Variants in CIB3 observed in about 807,000 individuals in gnomAD.
The protein encoded by CIB3 is calcium and integrin-binding family member 3.
In CIB3, 22 loss-of-function variants were observed where a neutral mutation model predicts 23.4. The observed-to-expected ratio is 0.94, with a 90% CI of 0.67 to 1.34. The LOEUF is 1.34. Among genes scored for constraint, CIB3 ranks in the 40% most tolerant of loss-of-function variants. The pLI is 0.00. For missense variants in CIB3, 258 were observed against 247.3 expected, an observed-to-expected ratio of 1.04 and a Z score of -0.29; for synonymous variants, 93 against 95.8, an observed-to-expected ratio of 0.97 and a Z score of 0.17.
Position 16,164,886 on chromosome 19 carries a change from G to A in CIB3, c.374C>T (p.Ala125Val), listed in dbSNP as rs773279506. ...YDFNNDDYICAWDLEQTVTKL... is the reference protein window; with the variant it reads ...YDFNNDDYICVWDLEQTVTKL... ...GGTCACCGTCTGCTCCAGGTCCCAC[G>A]CACAAATGTAGTCGTCGTTGTTAAA... Residue 125 changes from alanine to valine, a missense_variant, in exon 5 of 6, where the codon GCG becomes GTG. Physicochemically the swap from Ala to Val is moderately conservative, Grantham distance 64. Coordinates refer to ENST00000269878, the MANE Select transcript of CIB3 (RefSeq NM_054113.4). 1.7e-5 allele frequency: 27 copies of A among 1,613,924 alleles called. No homozygotes were observed. The highest frequency in any genetic ancestry group is 6.6e-5 in the South Asian group (6 of 91,082).
intron 4 of CIB3, 54 bp from the exon 5 acceptor site, chr19:16,164,967 GCTGTGGGCACATA>G: frequency 2.0e-6 from 3 of 1,478,834 alleles, no homozygotes; most frequent in Non-Finnish European, 2.8e-6. Context: ...GGCTAGGCCG[GCTGTGGGCACATA>G]CTGTGCCCAT....
rs1386257720 is a variant in CIB3 at position 16,173,268 on chromosome 19, C to T, written c.52-72G>A. 4 of 1,607,604 alleles carry T rather than the reference C, an allele frequency of 2.5e-6. No homozygotes were observed. The African/African-American group carries it at 5.4e-5, about 22-fold the overall frequency. Reference sequence around the variant, plus strand: ...TCCTCCCACGGCCTCCTCCCTCCACCCCACACTCACACAGATGGCCTGATG... The same window carrying T: ...TCCTCCCACGGCCTCCTCCCTCCACTCCACACTCACACAGATGGCCTGATG... On this transcript the variant is annotated intron_variant, in intron 1 of 5. Coordinates refer to ENST00000269878, the MANE Select transcript of CIB3 (RefSeq NM_054113.4).
intron 4 of CIB3, 54 bp from the exon 5 acceptor site, chr19:16,164,967 G>T (rs1192152803): frequency 1.4e-6 from 2 of 1,478,700 alleles, no homozygotes; most frequent in Admixed American, 3.4e-5. Flanking sequence ...GGCTAGGCCG[G>T]CTGTGGGCAC....
chr19:16,166,230 G>C (rs966547414), intron 4 of CIB3, among the ~76,000 whole-genome samples: 1 of 152,174 alleles, frequency 6.6e-6, no homozygotes, highest in East Asian at 1.9e-4. Context: ...AGTGGAAGTT[G>C]CAGTGATCTG....
At chr19:16,172,357 G>A (rs964016225) in intron 2 of CIB3, among the ~76,000 whole-genome samples, 1 of 152,192 alleles carries the variant, frequency 6.6e-6, no homozygotes, top group East Asian at 1.9e-4. Context: ...GTTTCACCAT[G>A]TTGGCCAGGC....
rs760673592 is a variant in CIB3, at chr19:16,164,902, CGTT to C, written c.355_357del (p.Asn119del). On this transcript the variant is annotated inframe_deletion, in exon 5 of 6. Coordinates refer to ENST00000269878, the MANE Select transcript of CIB3 (RefSeq NM_054113.4). ...AGGTCCCACGCACAAATGTAGTCGT[CGTT>C]GTTAAAATCTGCAGAGCAGGATGGA... is the stretch of plus-strand genomic sequence containing the variant. 1.4e-5 allele frequency: 23 copies of C among 1,613,870 alleles called. No individual in the cohort carries two copies. The highest frequency in any genetic ancestry group is 6.6e-5 in the South Asian group (6 of 91,072).
Position 16,173,178 on chromosome 19 carries a change from T to C in CIB3, c.70A>G (p.Arg24Gly). 6.2e-7 allele frequency: 1 copy of C among 1,613,950 alleles called. No homozygotes were observed. Among genetic ancestry groups the C allele is most frequent in the South Asian group, 1.1e-5 (1 of 91,074 alleles). ...EAYQDCTFFT[R>G]KEIMRLFYRY... is the part of the protein sequence containing the mutation. Reference sequence around the variant, plus strand: ...TGGACTGACCTCATGATCTCCTTCCTTGTGAAAAATGTGCAGTCCTGTGGA... The same window carrying C: ...TGGACTGACCTCATGATCTCCTTCCCTGTGAAAAATGTGCAGTCCTGTGGA... Residue 24 changes from arginine to glycine, a missense_variant, in exon 2 of 6, where the codon AGG becomes GGG. Physicochemically the swap from Arg to Gly is moderately radical, Grantham distance 125 (BLOSUM62 -2). Transcript: ENST00000269878.
At chr19:16,170,113 T>C (rs1312139982) in intron 2 of CIB3, among the ~76,000 whole-genome samples, 8 of 152,156 alleles carry the variant, frequency 5.3e-5, no homozygotes, top group Non-Finnish European at 1.2e-4. Flanking sequence ...CCCTTCTCTT[T>C]CACATTCACA....
In CIB3 at chr19:16,169,627, T is replaced by C; in HGVS notation, c.198+3A>G. ...CCCTGTTTGTCCCATGGCCTGGGCATACCTTCAGCTCGGGCATGCTGCCAA... is the reference window on the plus strand; with the variant it reads ...CCCTGTTTGTCCCATGGCCTGGGCACACCTTCAGCTCGGGCATGCTGCCAA... On this transcript the variant is annotated splice_donor_region_variant and intron_variant, in intron 3 of 5. Coordinates refer to ENST00000269878, the MANE Select transcript of CIB3 (RefSeq NM_054113.4). The C allele has an allele frequency of 6.2e-7, 1 of 1,612,378 alleles. No individual in the cohort carries two copies. The highest frequency in any genetic ancestry group is 8.5e-7 in the Non-Finnish European group (1 of 1,178,998).
intron 2 of CIB3, among the ~76,000 whole-genome samples, chr19:16,171,976 G>A (rs901045094): frequency 2.0e-5 from 3 of 152,224 alleles, no homozygotes; most frequent in Non-Finnish European, 4.4e-5. Context: ...CCCACAGGCC[G>A]AGTGATGATG....
At chr19:16,168,712 G>C (rs1293952184) in intron 3 of CIB3, among the ~76,000 whole-genome samples, 1 of 152,152 alleles carries the variant, frequency 6.6e-6, no homozygotes, top group Non-Finnish European at 1.5e-5. Context: ...ACAGCCTCAA[G>C]AGGTGAGGCT....
At chr19:16,171,683 T>C (rs918187441) in intron 2 of CIB3, among the ~76,000 whole-genome samples, 1 of 152,208 alleles carries the variant, frequency 6.6e-6, no homozygotes, top group African/African-American at 2.4e-5. Flanking sequence ...TGTCTGTCCT[T>C]GGGGCCTTGG....
At position 16,161,434 on chromosome 19, in the gene CIB3, C is replaced by T. The variant is rs781433983; in HGVS notation, c.*31G>A. 21 of 1,613,392 alleles carry T rather than the reference C, an allele frequency of 1.3e-5. No homozygotes were observed. Among genetic ancestry groups the T allele is most frequent in the Non-Finnish European group, 1.7e-5 (20 of 1,179,380 alleles). ...CACAGCGGGTGAGGGGTCACCCCGC[C>T]CTCCTATAGCTCGGCTCCTCTGTGG... On this transcript the variant is annotated 3_prime_UTR_variant, in exon 6 of 6. Transcript: ENST00000269878.
chr19:16,165,934 A>T (rs1299585886), intron 4 of CIB3, among the ~76,000 whole-genome samples: 1 of 152,188 alleles, frequency 6.6e-6, no homozygotes, highest in East Asian at 1.9e-4. Flanking sequence ...TCACTTAACA[A>T]GTATTTATTG....
intron 5 of CIB3, 150 bp from the exon 6 acceptor site, chr19:16,161,636 A>G: frequency 1.5e-6 from 1 of 673,064 alleles, no homozygotes; most frequent in Admixed American, 2.6e-5. Flanking sequence ...GGAGACCCCT[A>G]CAGGGGCTGA....
intron 2 of CIB3, 25 bp from the exon 3 acceptor site, chr19:16,169,766 G>A: frequency 6.4e-7 from 1 of 1,571,630 alleles, no homozygotes; most frequent in Admixed American, 1.9e-5. Context: ...AAAAAGCTGG[G>A]AAAGACTGGG....
chr19:16,164,673 C>T (rs780875454), intron 5 of CIB3, 45 bp downstream of exon 5: 51 of 1,555,370 alleles, frequency 3.3e-5, no homozygotes, highest in Non-Finnish European at 4.4e-5. Flanking sequence ...GTAAGAGCCC[C>T]TTCAGATGTG....
chr19:16,172,665 A>G (rs189875360), intron 2 of CIB3, among the ~76,000 whole-genome samples: 1 of 151,644 alleles, frequency 6.6e-6, no homozygotes. Flanking sequence ...AATTGGAAAT[A>G]CCAGTTGGGC....
At chr19:16,168,049 G>C in intron 4 of CIB3, 88 bp downstream of exon 4, 1 of 1,496,816 alleles carries the variant, frequency 6.7e-7, no homozygotes, top group East Asian at 2.4e-5. Flanking sequence ...AAACCCCTGG[G>C]GAGATATTTG....
Sources: allele counts gnomAD v4.1 joint callset (sites outside exome capture counted in the v4.1 genomes callset), GRCh38; gene constraint gnomAD v4.1.1; transcripts MANE v1.5; gene names NCBI Gene and HGNC (gene_info 2026-07-23, HGNC 2026-07-21).